Variants in PBLD observed in about 807,000 individuals in gnomAD.
PBLD encodes the protein phenazine biosynthesis like protein domain containing.
A neutral mutation model predicts 31.3 loss-of-function variants in PBLD; 26 were observed. That is an observed-to-expected ratio of 0.83 (90% CI 0.61 to 1.15). The LOEUF (loss-of-function observed/expected upper bound fraction) is 1.15, where lower values mean the gene tolerates loss of function less well. Ranked by LOEUF, PBLD falls within the 50% of genes most tolerant of loss-of-function variation. The pLI, the probability that PBLD is intolerant of heterozygous loss-of-function variation, is 0.00. For synonymous variants in PBLD, 114 were observed against 129.0 expected, an observed-to-expected ratio of 0.88 and a Z score of 0.79; for missense variants, 307 against 351.7, an observed-to-expected ratio of 0.87 and a Z score of 1.02.
intron 1 of PBLD, among the ~76,000 whole-genome samples, chr10:68,311,220 A>C (rs1212318061): frequency 6.6e-6 from 1 of 152,144 alleles, no homozygotes; most frequent in Non-Finnish European, 1.5e-5. Flanking sequence ...AAACCGAGGC[A>C]GGTGGATCAA....
intron 1 of PBLD, among the ~76,000 whole-genome samples, chr10:68,307,644 C>T (rs1242062522): frequency 2.6e-5 from 4 of 152,064 alleles, no homozygotes; most frequent in East Asian, 3.9e-4. Flanking sequence ...GGACTACAGG[C>T]GCCCGCCACT....
At chr10:68,309,962 C>T (rs1435412545) in intron 1 of PBLD, among the ~76,000 whole-genome samples, 1 of 149,476 alleles carries the variant, frequency 6.7e-6, no homozygotes, top group Non-Finnish European at 1.5e-5. Context: ...ACAGTGAAAC[C>T]CCGTCTCTAT....
chr10:68,302,945 T>TATC, intron 2 of PBLD, among the ~76,000 whole-genome samples: 1 of 152,046 alleles, frequency 6.6e-6, no homozygotes, highest in African/African-American at 2.4e-5. Context: ...TTTACCCAGC[T>TATC]ATCATCATAA....
rs2044317203 is a variant in PBLD, at chr10:68,288,596, A to C, written c.578T>G (p.Val193Gly). The change falls in exon 8 of 10, where the codon GTG becomes GGG. Residue 193 changes from valine (V) to glycine (G), a missense_variant. Val to Gly is a moderately radical substitution (Grantham distance 109, BLOSUM62 -3). Transcript: ENST00000358769. Reference protein sequence around the residue: ...NLLQVENTGKVKGLILTLKGE... With the variant: ...NLLQVENTGKGKGLILTLKGE... ...TTTAAGGGTAAGAATAAGCCCTTTC[A>C]CCTTCCCTGTGTTTTCAACTTGCAG... 3.7e-6 allele frequency: 6 copies of C among 1,614,020 alleles called. No individual in the cohort carries two copies. The Admixed American group carries it at 8.3e-5, about 22-fold the overall frequency.
rs1459084877 is a variant in PBLD, at chr10:68,282,965, AC to A, written c.*1211del. ...TAACTGAATTTAAAGTTATGTTAAA[AC>A]CCATTTTATTGAAGTAAGAGAAGAA... On this transcript the variant is annotated 3_prime_UTR_variant, in exon 10 of 10. Coordinates refer to ENST00000358769, the MANE Select transcript of PBLD (RefSeq NM_022129.4). 1 of 152,176 alleles carries A rather than the reference AC, an allele frequency of 6.6e-6. No homozygotes were observed. The highest frequency in any genetic ancestry group is 1.5e-5 in the Non-Finnish European group (1 of 68,026). 9.4% of individuals were successfully genotyped at this position (152,176 alleles called of 1,614,324 possible).
chr10:68,320,225 A>G (rs2044813737), intron 1 of PBLD, among the ~76,000 whole-genome samples: 1 of 152,238 alleles, frequency 6.6e-6, no homozygotes, highest in Non-Finnish European at 1.5e-5. Flanking sequence ...GAGCAGCTAT[A>G]CTAATATCAG....
At chr10:68,319,053 G>GAGAGAA (rs1431193816) in intron 1 of PBLD, among the ~76,000 whole-genome samples, 6 of 98,892 alleles carry the variant, frequency 6.1e-5, no homozygotes, top group East Asian at 3.6e-4. Flanking sequence ...AAGAAAGAGA[G>GAGAGAA]AGAAAGAAAG....
intron 3 of PBLD, 36 bp from the exon 4 acceptor site, chr10:68,296,400 T>C (rs748649822): frequency 6.8e-7 from 1 of 1,467,456 alleles, no homozygotes; most frequent in Non-Finnish European, 9.5e-7. Context: ...GATGAGATCA[T>C]TCCCATGCAA....
chr10:68,305,095 C>T (rs1028631972), intron 2 of PBLD, among the ~76,000 whole-genome samples: 1 of 152,132 alleles, frequency 6.6e-6, no homozygotes, highest in Non-Finnish European at 1.5e-5. Context: ...TGCAGTGGCT[C>T]AGGCCTGTAA....
In PBLD at chr10:68,309,934, G is replaced by C. The variant is rs914623980; in HGVS notation, c.-59-3031C>G. 4.0e-5 allele frequency among the ~76,000 whole-genome samples: 6 copies of C among 150,008 alleles called. 1 individual carries two copies. Among genetic ancestry groups the C allele is most frequent in the African/African-American group, 1.5e-4 (6 of 40,662 alleles). On this transcript the variant is annotated intron_variant, in intron 1 of 9. Transcript: ENST00000358769. ...GTGGATCACTTGATGTCAGGAGTTC[G>C]AGACCAGCCTGGCCAACACAGTGAA... is the stretch of plus-strand genomic sequence containing the variant.
intron 4 of PBLD, among the ~76,000 whole-genome samples, chr10:68,293,740 C>T (rs551013335): frequency 6.2e-4 from 95 of 152,126 alleles, no homozygotes; most frequent in African/African-American, 2.0e-3. Flanking sequence ...TTTGGGAGGC[C>T]GAGGCGGGTG....
chr10:68,312,566 G>A (rs370200944), intron 1 of PBLD, among the ~76,000 whole-genome samples: 1 of 125,040 alleles, frequency 8.0e-6, no homozygotes, highest in Non-Finnish European at 1.8e-5. Flanking sequence ...GGGGCTTTTT[G>A]TTATTGATTT....
intron 1 of PBLD, among the ~76,000 whole-genome samples, chr10:68,311,601 A>G (rs377128767): frequency 6.6e-6 from 1 of 151,418 alleles, no homozygotes. Flanking sequence ...AAAAAGAAAA[A>G]ATTAGCTGGG....
intron 4 of PBLD, among the ~76,000 whole-genome samples, chr10:68,294,210 C>T (rs2044395975): frequency 6.6e-6 from 1 of 152,118 alleles, no homozygotes; most frequent in Non-Finnish European, 1.5e-5. Flanking sequence ...ACTTGTTAGC[C>T]TCTGCCTGGG....
At chr10:68,318,175 C>T (rs866743392) in intron 1 of PBLD, among the ~76,000 whole-genome samples, 3 of 151,526 alleles carry the variant, frequency 2.0e-5, no homozygotes, top group Admixed American at 1.3e-4. Context: ...TGCAGTGAGC[C>T]GAGATCAAGC....
intron 2 of PBLD, among the ~76,000 whole-genome samples, chr10:68,303,534 C>A (rs1255554118): frequency 2.6e-5 from 4 of 151,604 alleles, no homozygotes; most frequent in Admixed American, 2.6e-4. Flanking sequence ...GTGACTCACA[C>A]CTGTAATCCC....
chr10:68,286,449 C>T (rs2044289644), intron 8 of PBLD, among the ~76,000 whole-genome samples: 1 of 151,982 alleles, frequency 6.6e-6, no homozygotes, highest in African/African-American at 2.4e-5. Flanking sequence ...AGTGCATATG[C>T]AAAGAAAGGT....
chr10:68,302,187 C>T (rs1264633287), intron 2 of PBLD, among the ~76,000 whole-genome samples: 1 of 152,202 alleles, frequency 6.6e-6, no homozygotes, highest in African/African-American at 2.4e-5. Flanking sequence ...AGTTACAAAC[C>T]AACAGCTATG....
intron 1 of PBLD, among the ~76,000 whole-genome samples, chr10:68,307,715 G>T (rs942874299): frequency 3.9e-5 from 6 of 151,992 alleles, no homozygotes; most frequent in Non-Finnish European, 8.8e-5. Flanking sequence ...TAGCCAGGAT[G>T]GTCTCGATCT....
Sources: gnomAD v4.1 joint callset for allele counts (sites outside exome capture counted in the v4.1 genomes callset) on GRCh38, gnomAD v4.1.1 for gene constraint, MANE v1.5 for transcripts, NCBI Gene and HGNC (gene_info 2026-07-23, HGNC 2026-07-21) for gene names.